The following BCR variants were observed in gnomAD, a reference collection of about 807,000 sequenced individuals.
The protein encoded by BCR is breakpoint cluster region protein.
In BCR, 58 loss-of-function variants were observed where a neutral mutation model predicts 138.6. The ratio of observed to expected loss-of-function variants is 0.42; its 90% CI spans 0.34 to 0.52. The LOEUF (loss-of-function observed/expected upper bound fraction) is 0.52, where lower values mean the gene tolerates loss of function less well. BCR is among the 20% of genes least tolerant of loss of function. The probability of loss-of-function intolerance (pLI) is 0.06; values close to 1 mark genes in which losing one functional copy is unlikely to be tolerated. For missense variants in BCR, 1,599 were observed against 1,727.2 expected, an observed-to-expected ratio of 0.93 and a Z score of 1.32; for synonymous variants, 786 against 730.1, an observed-to-expected ratio of 1.08 and a Z score of -1.23.
intron 1 of BCR, among the ~76,000 whole-genome samples, chr22:23,212,183 G>A (rs2072693405): frequency 6.6e-6 from 1 of 152,150 alleles, no homozygotes; most frequent in Non-Finnish European, 1.5e-5. Context: ...CCTGGGAAGC[G>A]GGCTGGAGAG....
intron 16 of BCR, among the ~76,000 whole-genome samples, chr22:23,307,362 T>C (rs2073961861): frequency 1.3e-5 from 2 of 151,910 alleles, no homozygotes; most frequent in Non-Finnish European, 2.9e-5. Context: ...CCTCGGCCTT[T>C]CAAAGTGCTG....
In BCR at chr22:23,288,077, G is replaced by A. The variant is rs930103474; in HGVS notation, c.2527-20G>A. The stretch of plus-strand genomic sequence containing the variant: ...AGCCAGGGCGGAGATAACTGGGTGT[G>A]TTCTTCTTGCCCACCCTAGAGTTAC... On this transcript the variant is annotated intron_variant, in intron 11 of 22. Coordinates refer to ENST00000305877, the MANE Select transcript of BCR (RefSeq NM_004327.4). The A allele has an allele frequency of 1.1e-5, 18 of 1,613,028 alleles. No homozygotes were observed. The highest frequency in any genetic ancestry group is 3.4e-4 in the Middle Eastern group (2 of 5,902).
intron 4 of BCR, chr22:23,264,899 A>G (rs1197767101): frequency 6.6e-6 from 1 of 152,056 alleles, no homozygotes; most frequent in Non-Finnish European, 1.5e-5. Context: ...AGCAGTTCTG[A>G]GTGAGTTCTA....
intron 1 of BCR, among the ~76,000 whole-genome samples, chr22:23,183,805 A>G (rs183640678): frequency 6.6e-6 from 1 of 152,378 alleles, no homozygotes; most frequent in Admixed American, 6.5e-5. Context: ...CTGGGTTTCC[A>G]GAACCTTGGG....
chr22:23,203,061 T>C (rs553410055), intron 1 of BCR, among the ~76,000 whole-genome samples: 60 of 152,200 alleles, frequency 3.9e-4, no homozygotes, highest in Non-Finnish European at 1.6e-4. Flanking sequence ...GGTCTTGCTG[T>C]GTTGCCCAGG....
intron 8 of BCR, among the ~76,000 whole-genome samples, chr22:23,279,792 T>C (rs1353633117): frequency 5.3e-5 from 8 of 152,258 alleles, no homozygotes. Context: ...CTCTGATTCC[T>C]GGAGCATGTC....
chr22:23,287,350 G>A, intron 11 of BCR, 72 bp downstream of exon 11: 5 of 1,463,822 alleles, frequency 3.4e-6, no homozygotes, highest in Non-Finnish European at 4.5e-6. Context: ...TAATGGCAGT[G>A]CGTTTTCACT....
At chr22:23,257,573 C>G (rs1284061020) in intron 2 of BCR, among the ~76,000 whole-genome samples, 1 of 152,242 alleles carries the variant, frequency 6.6e-6, no homozygotes, top group African/African-American at 2.4e-5. Flanking sequence ...CCCACCATTC[C>G]CTTCACCTCT....
chr22:23,248,870 C>T (rs953816866), intron 1 of BCR, among the ~76,000 whole-genome samples: 7 of 152,158 alleles, frequency 4.6e-5, no homozygotes, highest in African/African-American at 1.7e-4. Flanking sequence ...GTGAGGCGGC[C>T]CAGAGAGGTT....
chr22:23,203,766 G>A (rs769784542), intron 1 of BCR, among the ~76,000 whole-genome samples: 4 of 152,184 alleles, frequency 2.6e-5, no homozygotes, highest in South Asian at 2.1e-4. Flanking sequence ...ACTTGTAACT[G>A]AATCTGAAAA....
chr22:23,190,864 G>T (rs930906352), intron 1 of BCR, among the ~76,000 whole-genome samples: 6 of 152,294 alleles, frequency 3.9e-5, no homozygotes, highest in Non-Finnish European at 7.3e-5. Flanking sequence ...AAAAGTAGGG[G>T]TGGGAACAGG....
At chr22:23,217,217 T>TTA (rs1249707905) in intron 1 of BCR, among the ~76,000 whole-genome samples, 2 of 152,170 alleles carry the variant, frequency 1.3e-5, no homozygotes, top group Non-Finnish European at 2.9e-5. Context: ...TGTTGCCATG[T>TTA]TATATAGTAG....
At chr22:23,261,198 A>G in intron 3 of BCR, 144 bp downstream of exon 3, 1 of 1,220,680 alleles carries the variant, frequency 8.2e-7, no homozygotes, top group Non-Finnish European at 1.2e-6. Context: ...TGGAAGACTG[A>G]GTTGCCAAAC....
chr22:23,247,649 G>A (rs114820136), intron 1 of BCR, among the ~76,000 whole-genome samples: 1,557 of 152,214 alleles, frequency 0.01, 26 homozygotes, highest in African/African-American at 0.035. Flanking sequence ...GTCTCTCTAG[G>A]CATATCTGGC....
chr22:23,273,026 C>G, intron 6 of BCR, 55 bp from the exon 7 acceptor site: 1 of 1,589,972 alleles, frequency 6.3e-7, no homozygotes, highest in South Asian at 1.1e-5. Flanking sequence ...GGTGGTCAGG[C>G]AGCTGGTGTG....
intron 1 of BCR, among the ~76,000 whole-genome samples, chr22:23,212,149 T>G (rs893430022): frequency 1.3e-5 from 2 of 152,188 alleles, no homozygotes; most frequent in Admixed American, 6.5e-5. Context: ...TTCTTTGTTA[T>G]CTTTGCTGCT....
chr22:23,182,036 C>T lies in BCR; in HGVS notation c.1076C>T (p.Thr359Ile). The change falls in exon 1 of 23, where the codon ACC becomes ATC. Residue 359 changes from threonine (T) to isoleucine (I), a missense_variant. Around this residue, in one of 4 missense-constraint regions of BCR, gnomAD observed 806 missense variants for 635.0 expected, o/e 1.27. Coordinates refer to ENST00000305877, the MANE Select transcript of BCR (RefSeq NM_004327.4). ...AGCCGCGTGTCCCCAAGCCCCACCA[C>T]CTACCGCATGTTCCGGGACAAAAGC... is the stretch of plus-strand genomic sequence containing the variant. ...QSSRVSPSPT[T>I]YRMFRDKSRS... 6.2e-7 allele frequency: 1 copy of T among 1,613,686 alleles called. No homozygotes were observed. Among genetic ancestry groups the T allele is most frequent in the Non-Finnish European group, 8.5e-7 (1 of 1,179,868 alleles).
intron 10 of BCR, among the ~76,000 whole-genome samples, chr22:23,286,571 T>C (rs979513391): frequency 1.4e-4 from 21 of 152,150 alleles, no homozygotes; most frequent in African/African-American, 4.6e-4. Context: ...GCATTCTCCA[T>C]GTTCAGCTCT....
intron 1 of BCR, among the ~76,000 whole-genome samples, chr22:23,233,805 A>G (rs12157996): frequency 1.1e-5 from 1 of 91,034 alleles, no homozygotes; most frequent in African/African-American, 5.0e-5. Context: ...AAAAAAAAAG[A>G]AAAAAAAGAA....
Sources: gnomAD v4.1 joint callset for allele counts (sites outside exome capture counted in the v4.1 genomes callset) on GRCh38, gnomAD v4.1.1 for gene constraint, gnomAD v4.1.1 regional missense constraint, MANE v1.5 for transcripts, NCBI Gene and HGNC (gene_info 2026-07-23, HGNC 2026-07-21) for gene names.